Variants in STX18 observed in about 807,000 individuals in gnomAD.
STX18 encodes the protein syntaxin-18.
STX18 carries 40 observed loss-of-function variants against 50.1 expected under a neutral mutation model. The ratio of observed to expected loss-of-function variants is 0.80; its 90% CI spans 0.62 to 1.04. The LOEUF is 1.04. STX18 is among the 50% of genes least tolerant of loss of function. STX18 has a pLI of 0.00. For missense variants in STX18, 410 were observed against 415.8 expected, an observed-to-expected ratio of 0.99 and a Z score of 0.12; for synonymous variants, 158 against 151.8, an observed-to-expected ratio of 1.04 and a Z score of -0.30.
chr4:4,471,561 G>T (rs1223304572), intron 2 of STX18, 78 bp downstream of exon 2: 1 of 983,568 alleles, frequency 1.0e-6, no homozygotes, highest in Non-Finnish European at 1.4e-6. Flanking sequence ...AAAAAGGTGA[G>T]GGCAAAAAGC....
intron 1 of STX18, among the ~76,000 whole-genome samples, chr4:4,512,860 G>A (rs1362313164): frequency 6.6e-6 from 1 of 152,130 alleles, no homozygotes; most frequent in Non-Finnish European, 1.5e-5. Context: ...CTGGCAGTTG[G>A]TATGCTTTGT....
At chr4:4,507,549 T>C (rs1729773706) in intron 1 of STX18, 2 of 769,506 alleles carry the variant, frequency 2.6e-6, no homozygotes, top group South Asian at 2.7e-5. Flanking sequence ...AGCAAAAGCG[T>C]CCCAGGAGTG....
rs1451651496 is a variant in STX18 at position 4,425,065 on chromosome 4, G to A, written c.761+99C>T. The A allele has an allele frequency of 2.7e-6, 3 of 1,115,948 alleles. No homozygotes were observed. In the Admixed American group the frequency reaches 5.3e-5, roughly 20 times the overall value. 69.1% of individuals were successfully genotyped at this position (1,115,948 alleles called of 1,614,324 possible). A position where few individuals can be genotyped will look rare whatever the true frequency, so the allele number is the denominator to read the frequency against. ...TGAGGGGGGCTGCACCAGCCCAAGG[G>A]CCCCATGGGGATGCCTGGGCACCAA... On this transcript the variant is annotated intron_variant, in intron 8 of 10. Transcript: ENST00000306200.
At chr4:4,503,938 T>C (rs115477514) in intron 1 of STX18, among the ~76,000 whole-genome samples, 80 of 152,320 alleles carry the variant, frequency 5.3e-4, no homozygotes, top group African/African-American at 1.8e-3. Flanking sequence ...AAACTTACGA[T>C]AAAGAATTAT....
chr4:4,495,258 TA>T (rs753781449), intron 1 of STX18, among the ~76,000 whole-genome samples: 3 of 152,228 alleles, frequency 2.0e-5, no homozygotes, highest in Non-Finnish European at 4.4e-5. Context: ...AGTTCTAGGC[TA>T]ATATTGGAAG....
chr4:4,519,697 A>T (rs1448893497), intron 1 of STX18, among the ~76,000 whole-genome samples: 3 of 152,210 alleles, frequency 2.0e-5, no homozygotes, highest in Non-Finnish European at 4.4e-5. Flanking sequence ...TGTAGTTGTT[A>T]AATCATCATC....
At chr4:4,464,956 A>T in intron 2 of STX18, among the ~76,000 whole-genome samples, 1 of 143,608 alleles carries the variant, frequency 7.0e-6, no homozygotes, top group African/African-American at 2.6e-5. Context: ...GATCTTGGTT[A>T]TTTCTTGTCT....
At chr4:4,435,898 A>G (rs905296164) in intron 6 of STX18, among the ~76,000 whole-genome samples, 3 of 152,150 alleles carry the variant, frequency 2.0e-5, no homozygotes, top group Non-Finnish European at 2.9e-5. Flanking sequence ...GCAGTTCATC[A>G]CCGGGGTAGG....
chr4:4,447,659 T>TA (rs1726500052), intron 5 of STX18, among the ~76,000 whole-genome samples: 1 of 145,676 alleles, frequency 6.9e-6, no homozygotes, highest in Non-Finnish European at 1.5e-5. Flanking sequence ...TCTTTCTTGT[T>TA]AGAGTTACTG....
intron 1 of STX18, among the ~76,000 whole-genome samples, chr4:4,490,594 A>AT (rs765762406): frequency 3.5e-4 from 54 of 152,238 alleles, no homozygotes; most frequent in East Asian, 2.9e-3. Context: ...GAAACTAAGA[A>AT]TTTTTTTACA....
At chr4:4,505,108 C>T (rs961524801) in intron 1 of STX18, among the ~76,000 whole-genome samples, 3 of 152,140 alleles carry the variant, frequency 2.0e-5, no homozygotes, top group Admixed American at 6.5e-5. Flanking sequence ...GCTGGGCAAC[C>T]GATTTACTTT....
intron 1 of STX18, among the ~76,000 whole-genome samples, chr4:4,510,006 T>C (rs1043034187): frequency 3.3e-5 from 5 of 152,178 alleles, no homozygotes; most frequent in Non-Finnish European, 7.4e-5. Context: ...TAGACAACTA[T>C]AGATGTTTCT....
intron 7 of STX18, among the ~76,000 whole-genome samples, chr4:4,431,128 A>C (rs1434088375): frequency 6.6e-6 from 1 of 152,068 alleles, no homozygotes; most frequent in African/African-American, 2.4e-5. Context: ...AACAACCCAC[A>C]CTATTGTTAT....
At chr4:4,512,178 T>C (rs995676803) in intron 1 of STX18, among the ~76,000 whole-genome samples, 2 of 152,138 alleles carry the variant, frequency 1.3e-5, no homozygotes, top group African/African-American at 4.8e-5. Flanking sequence ...TTAAAACTCC[T>C]CTAGAACTCT....
intron 1 of STX18, among the ~76,000 whole-genome samples, chr4:4,514,999 T>A (rs942036437): frequency 6.6e-6 from 1 of 152,136 alleles, no homozygotes; most frequent in African/African-American, 2.4e-5. Context: ...GTTTCACAAG[T>A]AAATGTCTCA....
At chr4:4,483,993 C>G (rs1577363519) in intron 1 of STX18, among the ~76,000 whole-genome samples, 1 of 152,156 alleles carries the variant, frequency 6.6e-6, no homozygotes, top group African/African-American at 2.4e-5. Context: ...TCCCGAGTAG[C>G]TGGGACTACA....
intron 8 of STX18, among the ~76,000 whole-genome samples, chr4:4,424,167 G>A (rs1174742955): frequency 6.6e-6 from 1 of 151,994 alleles, no homozygotes; most frequent in African/African-American, 2.4e-5. Flanking sequence ...AAACACTTGG[G>A]CTAGCCATCT....
intron 1 of STX18, among the ~76,000 whole-genome samples, chr4:4,534,271 A>G (rs1731232662): frequency 6.6e-6 from 1 of 152,248 alleles, no homozygotes; most frequent in Admixed American, 6.5e-5. Context: ...TCCAGTGTCC[A>G]TGGGCTCCTT....
intron 1 of STX18, among the ~76,000 whole-genome samples, chr4:4,478,474 G>A (rs1277869953): frequency 6.6e-6 from 1 of 152,164 alleles, no homozygotes; most frequent in East Asian, 1.9e-4. Flanking sequence ...AGTAACGAAA[G>A]CAACATCCAG....
Sources: allele counts gnomAD v4.1 joint callset (sites outside exome capture counted in the v4.1 genomes callset), GRCh38; gene constraint gnomAD v4.1.1; transcripts MANE v1.5; gene names NCBI Gene and HGNC (gene_info 2026-07-23, HGNC 2026-07-21).